Variants in PPME1 observed in about 807,000 individuals in gnomAD.
PPME1 encodes the protein testicular secretory protein Li 39.
In PPME1, 17 loss-of-function variants were observed where a neutral mutation model predicts 56.9. That is an observed-to-expected ratio of 0.30 (90% CI 0.20 to 0.45). The LOEUF is 0.45. Among genes scored for constraint, PPME1 ranks in the 20% least tolerant of loss-of-function variants. The pLI, the probability that PPME1 is intolerant of heterozygous loss-of-function variation, is 1.00. For synonymous variants in PPME1, 122 were observed against 156.2 expected (o/e 0.78, Z 1.63); for missense variants, 357 against 483.2 (o/e 0.74, Z 2.45).
intron 13 of PPME1, among the ~76,000 whole-genome samples, chr11:74,253,205 C>T (rs1859750170): frequency 6.6e-6 from 1 of 152,130 alleles, no homozygotes; most frequent in Non-Finnish European, 1.5e-5. Context: ...GCTGAGCCAT[C>T]CCTCTAACAA....
At chr11:74,241,703 T>C (rs76743568) in intron 9 of PPME1, among the ~76,000 whole-genome samples, 3,135 of 152,310 alleles carry the variant, frequency 0.021, 58 homozygotes, top group African/African-American at 0.042. Context: ...TGAAGTGATA[T>C]CTGATTGTGG....
intron 5 of PPME1, among the ~76,000 whole-genome samples, chr11:74,229,128 T>C (rs1312637454): frequency 6.6e-6 from 1 of 152,202 alleles, no homozygotes; most frequent in Non-Finnish European, 1.5e-5. Flanking sequence ...AAAAATCAGT[T>C]CCTACAGAAC....
intron 3 of PPME1, among the ~76,000 whole-genome samples, chr11:74,221,055 T>G (rs1858786632): frequency 6.6e-6 from 1 of 152,184 alleles, no homozygotes; most frequent in Non-Finnish European, 1.5e-5. Flanking sequence ...TTAGAAAGAT[T>G]TGTTAAATAA....
chr11:74,215,432 TTTG>T (rs1226889772), intron 3 of PPME1, among the ~76,000 whole-genome samples: 16 of 152,228 alleles, frequency 1.1e-4, no homozygotes, highest in Non-Finnish European at 2.4e-4. Flanking sequence ...TGCTTGTTTG[TTTG>T]TTTATGAAAT....
chr11:74,251,476 G>T, intron 12 of PPME1, 172 bp from the exon 13 acceptor site: 1 of 1,433,104 alleles, frequency 7.0e-7, no homozygotes, highest in Non-Finnish European at 9.1e-7. Flanking sequence ...TAGTGGGGAG[G>T]AGTCTTCTAG....
chr11:74,204,095 C>G (rs999165544), intron 2 of PPME1, among the ~76,000 whole-genome samples: 2 of 151,350 alleles, frequency 1.3e-5, no homozygotes, highest in African/African-American at 4.9e-5. Context: ...GTGAGTTGAA[C>G]TAGTTTCATT....
rs1009495380 is a variant in PPME1, at chr11:74,171,341, G to A, written c.-81G>A. The A allele has an allele frequency of 2.6e-6, 4 of 1,525,236 alleles. No individual in the cohort carries two copies. The highest frequency in any genetic ancestry group is 3.5e-6 in the Non-Finnish European group (4 of 1,133,402). 94.5% of individuals were successfully genotyped at this position (1,525,236 alleles called of 1,614,324 possible). A position where few individuals can be genotyped will look rare whatever the true frequency, so the allele number is the denominator to read the frequency against. The stretch of plus-strand genomic sequence containing the variant: ...GGCGACAGGGCGTCGTTAGGGGAGC[G>A]AGTCGTGACCGGTTGGGCCACACTC... On this transcript the variant is annotated 5_prime_UTR_variant, in exon 1 of 14. Transcript: ENST00000328257.
chr11:74,252,076 G>A (rs1859689590), intron 13 of PPME1, among the ~76,000 whole-genome samples: 1 of 150,550 alleles, frequency 6.6e-6, no homozygotes, highest in Non-Finnish European at 1.5e-5. Flanking sequence ...TGCTGCCAAG[G>A]AAAGCTGGGC....
chr11:74,224,555 A>G (rs1480795035), intron 4 of PPME1, among the ~76,000 whole-genome samples: 4 of 134,746 alleles, frequency 3.0e-5, no homozygotes, highest in African/African-American at 3.4e-5. Flanking sequence ...TTTTCACGAT[A>G]TTGATTCTTC....
chr11:74,209,228 T>C (rs1310510981), intron 3 of PPME1, among the ~76,000 whole-genome samples: 1 of 152,148 alleles, frequency 6.6e-6, no homozygotes, highest in Non-Finnish European at 1.5e-5. Flanking sequence ...CACTTCAGCC[T>C]CCTGAGTAGC....
In PPME1 at chr11:74,253,634, C is replaced by G; in HGVS notation, c.*124C>G. ...CCATGTGACACTGGCTCCCGGTAGA[C>G]GGGCACCCCGAGATGTACCAACCTT... is the stretch of plus-strand genomic sequence containing the variant. On this transcript the variant is annotated 3_prime_UTR_variant, in exon 14 of 14. Coordinates refer to ENST00000328257, the MANE Select transcript of PPME1 (RefSeq NM_016147.3). 9.1e-7 allele frequency: 1 copy of G among 1,102,864 alleles called. No individual in the cohort carries two copies. The highest frequency in any genetic ancestry group is 1.3e-5 in the South Asian group (1 of 78,950). The allele number at this position is 1,102,864 out of a possible 1,614,324, so 68.3% of individuals were successfully genotyped here.
intron 8 of PPME1, among the ~76,000 whole-genome samples, chr11:74,237,419 G>A (rs946793086): frequency 6.6e-6 from 1 of 151,770 alleles, no homozygotes; most frequent in African/African-American, 2.4e-5. Flanking sequence ...GGGACTACAG[G>A]CATGTGCCAC....
chr11:74,244,760 G>T (rs147050591), intron 9 of PPME1, among the ~76,000 whole-genome samples: 68 of 152,074 alleles, frequency 4.5e-4, no homozygotes, highest in Middle Eastern at 3.4e-3. Context: ...CTGCTTTTTG[G>T]TGTCATATCC....
In PPME1 at chr11:74,235,736, C is replaced by T. The variant is rs909049528; in HGVS notation, c.645-165C>T. On this transcript the variant is annotated intron_variant, in intron 7 of 13. Coordinates refer to ENST00000328257, the MANE Select transcript of PPME1 (RefSeq NM_016147.3). ...TTTACTTAATTTTTACTTATAAAAC[C>T]ATGTAGCCAGGTGAGTAATAGTGGC... is the stretch of plus-strand genomic sequence containing the variant. 4 of 1,098,970 alleles carry T rather than the reference C, an allele frequency of 3.6e-6. No homozygotes were observed. In the Admixed American group the frequency reaches 1.1e-4, roughly 31 times the overall value. 68.1% of individuals were successfully genotyped at this position (1,098,970 alleles called of 1,614,324 possible). A position where few individuals can be genotyped will look rare whatever the true frequency, so the allele number is the denominator to read the frequency against.
At chr11:74,236,368 T>G (rs1378731851) in intron 8 of PPME1, among the ~76,000 whole-genome samples, 1 of 152,218 alleles carries the variant, frequency 6.6e-6, no homozygotes, top group Non-Finnish European at 1.5e-5. Context: ...ATAGCCTGAG[T>G]GAAAGCCAGA....
chr11:74,251,810 G>T (rs1352594316), intron 13 of PPME1, 95 bp downstream of exon 13: 1 of 1,495,120 alleles, frequency 6.7e-7, no homozygotes, highest in East Asian at 2.3e-5. Context: ...CCTTACCCCT[G>T]CCTGGTTTGG....
At position 74,171,478 on chromosome 11, in the gene PPME1, A is replaced by G. The variant is rs371907227; in HGVS notation, c.57A>G (p.Leu19=). 211 of 1,613,044 alleles carry G rather than the reference A, an allele frequency of 1.3e-4. No homozygotes were observed. The highest frequency in any genetic ancestry group is 1.7e-4 in the Non-Finnish European group (201 of 1,179,728). The change falls in exon 1 of 14, where the codon CTA becomes CTG. Residue 19 remains leucine (L), a synonymous_variant. Transcript: ENST00000328257. ...HLGRLPSRPP[L]PGSGGSQSGA... ...GCCGCCTTCCCTCTCGCCCACCTCT[A>G]CCCGGCAGCGGGGGCAGTCAGAGCG...
intron 3 of PPME1, among the ~76,000 whole-genome samples, chr11:74,213,577 G>C (rs1858537489): frequency 6.6e-6 from 1 of 152,192 alleles, no homozygotes; most frequent in Non-Finnish European, 1.5e-5. Flanking sequence ...TCCTAGTGCT[G>C]GTGGCCACAG....
chr11:74,238,207 C>G (rs1376738740), intron 8 of PPME1: 1 of 151,274 alleles, frequency 6.6e-6, no homozygotes. Context: ...CTGTATACTA[C>G]ATGTGAAACT....
Sources: gnomAD v4.1 joint callset for allele counts (sites outside exome capture counted in the v4.1 genomes callset) on GRCh38, gnomAD v4.1.1 for gene constraint, MANE v1.5 for transcripts, NCBI Gene and HGNC (gene_info 2026-07-23, HGNC 2026-07-21) for gene names.